Variants in NTRK3 observed in about 807,000 individuals in gnomAD.
NTRK3 encodes the protein neurotrophic receptor tyrosine kinase 3, also known as NT-3 growth factor receptor.
In NTRK3, 24 loss-of-function variants were observed where a neutral mutation model predicts 91.7. That is an observed-to-expected ratio of 0.26 (90% CI 0.19 to 0.37). The LOEUF is 0.37. Ranked by LOEUF, NTRK3 falls within the 10% of genes least tolerant of loss-of-function variation. NTRK3 has a pLI of 1.00. For synonymous variants in NTRK3, 483 were observed against 404.0 expected, an observed-to-expected ratio of 1.20 and a Z score of -2.34; for missense variants, 880 against 1,068.9, an observed-to-expected ratio of 0.82 and a Z score of 2.46.
intron 13 of NTRK3, among the ~76,000 whole-genome samples, chr15:88,122,072 T>A (rs1314754228): frequency 6.6e-6 from 1 of 151,966 alleles, no homozygotes; most frequent in African/African-American, 2.4e-5. Flanking sequence ...CAGAGAGAGA[T>A]CTCCAACATA....
chr15:87,904,253 T>C (rs1421640027), intron 17 of NTRK3, among the ~76,000 whole-genome samples: 1 of 151,546 alleles, frequency 6.6e-6, no homozygotes, highest in Non-Finnish European at 1.5e-5. Flanking sequence ...GGGGTTCAAG[T>C]GCTTCTCCTG....
chr15:88,075,796 G>A (rs1597154059), intron 13 of NTRK3, among the ~76,000 whole-genome samples: 2 of 152,306 alleles, frequency 1.3e-5, no homozygotes, highest in East Asian at 3.9e-4. Flanking sequence ...GTGGGGGCAG[G>A]GGGTGTCACA....
intron 14 of NTRK3, among the ~76,000 whole-genome samples, chr15:87,966,668 G>A (rs762471072): frequency 3.4e-4 from 52 of 152,072 alleles, no homozygotes; most frequent in Non-Finnish European, 4.3e-4. Flanking sequence ...GAAGAGACCC[G>A]CATGTGTCCT....
At chr15:88,164,199 C>G (rs573712294) in intron 5 of NTRK3, among the ~76,000 whole-genome samples, 2 of 152,338 alleles carry the variant, frequency 1.3e-5, no homozygotes, top group South Asian at 4.1e-4. Flanking sequence ...TCCCCACGGT[C>G]TTGGCCCCTT....
exon 18 of NTRK3, chr15:87,880,335 C>G (rs1361200565): frequency 6.2e-7 from 1 of 1,614,028 alleles, no homozygotes; most frequent in Non-Finnish European, 8.5e-7. Context: ...AGGATCACCC[C>G]GAAGCTCCAT....
intron 5 of NTRK3, among the ~76,000 whole-genome samples, chr15:88,164,862 TC>T (rs2044784291): frequency 6.6e-6 from 1 of 152,220 alleles, no homozygotes; most frequent in Non-Finnish European, 1.5e-5. Flanking sequence ...TTTTGGCCTC[TC>T]TTGTCCAATT....
chr15:88,184,149 G>C, intron 4 of NTRK3, 76 bp downstream of exon 4: 6 of 1,450,820 alleles, frequency 4.1e-6, no homozygotes, highest in Middle Eastern at 1.9e-4. Flanking sequence ...TGCCCCTCAC[G>C]CCACCCCAGA....
At chr15:87,952,714 C>T (rs907396164) in intron 14 of NTRK3, among the ~76,000 whole-genome samples, 3 of 152,148 alleles carry the variant, frequency 2.0e-5, no homozygotes, top group Admixed American at 6.5e-5. Context: ...TCTCTGAAGC[C>T]CACCCTCCGC....
chr15:88,029,031 G>T (rs959718585), intron 14 of NTRK3, among the ~76,000 whole-genome samples: 1 of 152,188 alleles, frequency 6.6e-6, no homozygotes, highest in Non-Finnish European at 1.5e-5. Flanking sequence ...ATCTGGACTG[G>T]TCCCTTGACT....
intron 13 of NTRK3, among the ~76,000 whole-genome samples, chr15:88,122,351 C>G (rs956559237): frequency 6.6e-6 from 1 of 152,072 alleles, no homozygotes; most frequent in African/African-American, 2.4e-5. Flanking sequence ...GTGAGTTTAT[C>G]TGGGAGACAG....
At chr15:88,019,849 G>C (rs1273657633) in intron 14 of NTRK3, among the ~76,000 whole-genome samples, 1 of 152,196 alleles carries the variant, frequency 6.6e-6, no homozygotes, top group Admixed American at 6.5e-5. Flanking sequence ...AACGTCTTAA[G>C]CCAAGTGAGT....
At chr15:87,917,561 T>C (rs1443926263) in intron 17 of NTRK3, among the ~76,000 whole-genome samples, 1 of 152,222 alleles carries the variant, frequency 6.6e-6, no homozygotes, top group Non-Finnish European at 1.5e-5. Context: ...TCCTGGTTTA[T>C]TTAGGTATTT....
chr15:87,968,323 T>G (rs1275607385), intron 14 of NTRK3, among the ~76,000 whole-genome samples: 2 of 152,142 alleles, frequency 1.3e-5, no homozygotes, highest in Admixed American at 1.3e-4. Context: ...GACCAAAAAC[T>G]TTGAGAACCA....
intron 3 of NTRK3, among the ~76,000 whole-genome samples, chr15:88,220,340 CAGA>C (rs2050136991): frequency 6.6e-6 from 1 of 152,082 alleles, no homozygotes. Flanking sequence ...CTCTCCTACT[CAGA>C]AGAATGACCG....
chr15:88,228,169 C>T (rs1414938111), intron 3 of NTRK3, among the ~76,000 whole-genome samples: 1 of 152,148 alleles, frequency 6.6e-6, no homozygotes, highest in African/African-American at 2.4e-5. Flanking sequence ...GGGCACGTCA[C>T]TCCCCTCTCT....
intron 3 of NTRK3, among the ~76,000 whole-genome samples, chr15:88,229,021 T>C (rs1282934654): frequency 1.3e-5 from 2 of 152,116 alleles, no homozygotes; most frequent in South Asian, 2.1e-4. Context: ...CCAGGACATA[T>C]TGGCTGCAGC....
At chr15:87,902,157 A>T (rs1257703893) in intron 17 of NTRK3, among the ~76,000 whole-genome samples, 2 of 152,240 alleles carry the variant, frequency 1.3e-5, no homozygotes, top group African/African-American at 4.8e-5. Context: ...TAAAGATGAC[A>T]TCAGAAAATA....
intron 3 of NTRK3, among the ~76,000 whole-genome samples, chr15:88,186,226 T>C (rs1233945690): frequency 6.6e-6 from 1 of 152,184 alleles, no homozygotes; most frequent in Non-Finnish European, 1.5e-5. Flanking sequence ...AACAAGCAAC[T>C]TTTATCCAAT....
At chr15:87,965,954 T>C (rs1192068977) in intron 14 of NTRK3, among the ~76,000 whole-genome samples, 1 of 152,052 alleles carries the variant, frequency 6.6e-6, no homozygotes, top group Non-Finnish European at 1.5e-5. Context: ...GGCGGGCACC[T>C]GTAATCCCAG....
Sources: allele counts gnomAD v4.1 joint callset (sites outside exome capture counted in the v4.1 genomes callset), GRCh38; gene constraint gnomAD v4.1.1; transcripts MANE v1.5; gene names NCBI Gene and HGNC (gene_info 2026-07-23, HGNC 2026-07-21).